Variants in PVT1 observed in about 807,000 individuals in gnomAD.
PVT1 encodes the protein Pvt1 oncogene, also known as CXCR4/PVT1 fusion.
intron 3 of PVT1, among the ~76,000 whole-genome samples, chr8:127,896,041 A>C (rs1815670868): frequency 6.6e-6 from 1 of 151,890 alleles, no homozygotes; most frequent in South Asian, 2.1e-4. Context: ...ATAAACATTG[A>C]AAAAAAAATT....
chr8:127,884,388 A>T (rs1173712826), intron 2 of PVT1, among the ~76,000 whole-genome samples: 1 of 152,192 alleles, frequency 6.6e-6, no homozygotes, highest in East Asian at 1.9e-4. Flanking sequence ...GCATTTGAGT[A>T]GTTTCCAGTG....
intron 3 of PVT1, among the ~76,000 whole-genome samples, chr8:127,913,220 A>G (rs1438730090): frequency 1.3e-5 from 2 of 152,156 alleles, no homozygotes; most frequent in Admixed American, 1.3e-4. Context: ...AGGTGTTTTC[A>G]TGGTGCCTGT....
At chr8:128,024,395 G>T (rs908248897) in intron 4 of PVT1, among the ~76,000 whole-genome samples, 2 of 152,170 alleles carry the variant, frequency 1.3e-5, no homozygotes, top group South Asian at 4.1e-4. Flanking sequence ...GGCCAAGGCA[G>T]GTGGATGGTT....
chr8:127,957,566 C>CAAAAAAAAA (rs56796489), intron 3 of PVT1, among the ~76,000 whole-genome samples: 3 of 91,782 alleles, frequency 3.3e-5, no homozygotes, highest in East Asian at 3.5e-4. Context: ...GACTCCGTCT[C>CAAAAAAAAA]AAAAAAAAAA....
chr8:128,022,983 C>T (rs919864077), intron 4 of PVT1, among the ~76,000 whole-genome samples: 2 of 151,844 alleles, frequency 1.3e-5, no homozygotes, highest in South Asian at 2.1e-4. Context: ...TCTCTTGCCT[C>T]AGCCTCCCAT....
intron 3 of PVT1, among the ~76,000 whole-genome samples, chr8:127,896,352 C>T (rs1355365197): frequency 6.6e-6 from 1 of 152,136 alleles, no homozygotes; most frequent in African/African-American, 2.4e-5. Flanking sequence ...GAATTACACA[C>T]AGGCCTCAAT....
intron 5 of PVT1, among the ~76,000 whole-genome samples, chr8:128,094,267 C>T (rs1247917410): frequency 1.3e-5 from 2 of 152,080 alleles, no homozygotes; most frequent in African/African-American, 2.4e-5. Context: ...GAAAATGTTA[C>T]ATTTTTAAAT....
chr8:127,827,469 C>T (rs1240761636), intron 2 of PVT1, among the ~76,000 whole-genome samples: 2 of 152,190 alleles, frequency 1.3e-5, no homozygotes, highest in Admixed American at 6.5e-5. Flanking sequence ...GAGCCATCAG[C>T]CTGACTGAGC....
At chr8:127,831,798 G>T (rs941257356) in intron 2 of PVT1, among the ~76,000 whole-genome samples, 1 of 152,190 alleles carries the variant, frequency 6.6e-6, no homozygotes, top group African/African-American at 2.4e-5. Flanking sequence ...CATCAAGGAG[G>T]TTGTTGACTA....
intron 3 of PVT1, among the ~76,000 whole-genome samples, chr8:127,934,023 T>C (rs1266286833): frequency 3.3e-5 from 5 of 152,216 alleles, no homozygotes; most frequent in Non-Finnish European, 4.4e-5. Context: ...TAAGTCAACA[T>C]TGTAGTTGCT....
intron 3 of PVT1, among the ~76,000 whole-genome samples, chr8:127,915,256 T>C (rs1369295857): frequency 2.0e-5 from 3 of 152,146 alleles, no homozygotes; most frequent in Non-Finnish European, 4.4e-5. Flanking sequence ...TTAATATTAC[T>C]TTATGCAGAT....
intron 3 of PVT1, among the ~76,000 whole-genome samples, chr8:127,893,840 G>A (rs547139083): frequency 1.3e-5 from 2 of 152,350 alleles, no homozygotes; most frequent in Admixed American, 1.3e-4. Context: ...GATGACAGGT[G>A]TATACGAGGA....
intron 2 of PVT1, among the ~76,000 whole-genome samples, chr8:127,827,704 CT>C (rs1444498249): frequency 6.6e-6 from 1 of 152,142 alleles, no homozygotes; most frequent in Non-Finnish European, 1.5e-5. Flanking sequence ...TTCCTTCCCC[CT>C]TTCTTTCTGG....
chr8:128,100,485 A>G (rs1436527809), intron 6 of PVT1, among the ~76,000 whole-genome samples: 1 of 152,176 alleles, frequency 6.6e-6, no homozygotes, highest in Non-Finnish European at 1.5e-5. Context: ...CGGTCCAGCA[A>G]AGCCCTCTCT....
intron 4 of PVT1, among the ~76,000 whole-genome samples, chr8:127,995,918 A>G (rs186140083): frequency 6.6e-6 from 1 of 151,440 alleles, no homozygotes; most frequent in African/African-American, 2.4e-5. Flanking sequence ...TTTTTTTTAA[A>G]CTTAAGGCTA....
At chr8:127,994,222 C>T (rs1817077761) in intron 4 of PVT1, among the ~76,000 whole-genome samples, 1 of 152,206 alleles carries the variant, frequency 6.6e-6, no homozygotes, top group Non-Finnish European at 1.5e-5. Context: ...GAGGATCTTT[C>T]TCTCTACAGT....
intron 2 of PVT1, among the ~76,000 whole-genome samples, chr8:127,867,909 C>T (rs930858819): frequency 6.6e-6 from 1 of 152,182 alleles, no homozygotes. Flanking sequence ...GAGGGCAGGA[C>T]GTCCATCTCA....
At chr8:128,007,351 G>T (rs1333893733) in intron 4 of PVT1, among the ~76,000 whole-genome samples, 1 of 151,942 alleles carries the variant, frequency 6.6e-6, no homozygotes, top group Non-Finnish European at 1.5e-5. Context: ...AAATTGAGAA[G>T]TTGCAAGGCT....
chr8:128,026,500 T>C (rs1283919262), intron 4 of PVT1, among the ~76,000 whole-genome samples: 13 of 152,044 alleles, frequency 8.6e-5, no homozygotes, highest in African/African-American at 3.1e-4. Flanking sequence ...AGGAGAAATA[T>C]CTTTCCCCAA....
Sources: gnomAD v4.1 joint callset for allele counts (sites outside exome capture counted in the v4.1 genomes callset) on GRCh38, gnomAD v4.1.1 for gene constraint, MANE v1.5 for transcripts, NCBI Gene and HGNC (gene_info 2026-07-23, HGNC 2026-07-21) for gene names.